Variants in PBX4 observed in about 807,000 individuals in gnomAD.
PBX4 encodes the protein pre-B-cell leukemia transcription factor 4.
Under a neutral mutation model 35.1 loss-of-function variants are expected in PBX4, and 26 were observed. The observed-to-expected ratio is 0.74, with a 90% CI of 0.54 to 1.03. The LOEUF is 1.03. PBX4 is among the 50% of genes least tolerant of loss of function. PBX4 has a pLI of 0.00. For missense variants in PBX4, 448 were observed against 504.3 expected (o/e 0.89, Z 1.07); for synonymous variants, 199 against 204.2 (o/e 0.97, Z 0.22).
At chr19:19,586,828 G>A (rs2061492173) in intron 2 of PBX4, among the ~76,000 whole-genome samples, 2 of 151,862 alleles carry the variant, frequency 1.3e-5, no homozygotes, top group African/African-American at 4.8e-5. Flanking sequence ...CTACTCAGGA[G>A]GCTGAGGCAG....
chr19:19,583,296 C>T (rs1007419309), intron 2 of PBX4, among the ~76,000 whole-genome samples: 8 of 151,016 alleles, frequency 5.3e-5, no homozygotes, highest in Non-Finnish European at 1.0e-4. Flanking sequence ...CAAAACAAAA[C>T]AAAACAAAAC....
At chr19:19,611,694 A>T (rs533073964) in intron 1 of PBX4, among the ~76,000 whole-genome samples, 1 of 151,822 alleles carries the variant, frequency 6.6e-6, no homozygotes, top group Admixed American at 6.6e-5. Flanking sequence ...AAAAAAAAAA[A>T]AAAGAAAGAA....
In PBX4 at chr19:19,562,018, C is replaced by T. The variant is rs753913371; in HGVS notation, c.*7G>A. ...ACGCAGCGCTCTTTCCTGCTTATCC[C>T]CCAAACTTAATTAGATGTACTGGAG... On this transcript the variant is annotated 3_prime_UTR_variant, in exon 8 of 8. Transcript: ENST00000251203. This position sits in a 1 kb window ranked among gnomAD's most constrained non-coding sequence, Gnocchi z 4.8. The T allele has an allele frequency of 1.2e-6, 2 of 1,609,578 alleles. No homozygotes were observed. Among genetic ancestry groups the T allele is most frequent in the East Asian group, 2.2e-5 (1 of 44,590 alleles).
At chr19:19,597,745 T>C (rs749693635) in intron 2 of PBX4, among the ~76,000 whole-genome samples, 2 of 152,196 alleles carry the variant, frequency 1.3e-5, no homozygotes, top group Non-Finnish European at 2.9e-5. Context: ...AGATGACCCT[T>C]GGTTTAAATA....
intron 2 of PBX4, among the ~76,000 whole-genome samples, chr19:19,576,159 G>A (rs952981641): frequency 6.6e-6 from 1 of 152,222 alleles, no homozygotes; most frequent in South Asian, 2.1e-4. Flanking sequence ...GGAGGCTGAG[G>A]TGGTAGGACT....
intron 2 of PBX4, among the ~76,000 whole-genome samples, chr19:19,575,288 A>C (rs2061412465): frequency 8.4e-6 from 1 of 119,280 alleles, no homozygotes; most frequent in South Asian, 2.6e-4. Context: ...TCCCACTGCC[A>C]GCACCCATGA....
Position 19,583,719 on chromosome 19 carries a change from T to C in PBX4, c.194-12886A>G, listed in dbSNP as rs146491797. ...ATCCCAGCACTTTAGGAGGCTGGGG[T>C]TGGGGGGAATCACCTGAGGTCAGGA... On this transcript the variant is annotated intron_variant, in intron 2 of 7. Transcript: ENST00000251203. Among the ~76,000 whole-genome samples, 1,357 of 151,986 alleles carry C rather than the reference T, an allele frequency of 8.9e-3. 23 individuals carry two copies. Among genetic ancestry groups the C allele is most frequent in the African/African-American group, 0.031 (1,302 of 41,456 alleles).
At chr19:19,595,952 G>A (rs149506099) in intron 2 of PBX4, among the ~76,000 whole-genome samples, 2,292 of 152,258 alleles carry the variant, frequency 0.015, 80 homozygotes, top group South Asian at 0.076. Context: ...ATTGGAGTGG[G>A]CCAGGTACAG....
intron 2 of PBX4, among the ~76,000 whole-genome samples, chr19:19,575,236 CAAAA>C (rs34956246): frequency 1.1e-5 from 1 of 93,672 alleles, no homozygotes. Context: ...GACTCTGTCT[CAAAA>C]AAAAAAAAAA....
Position 19,561,819 on chromosome 19 carries a change from G to GTGGGAGAA in PBX4, c.*198_*205dup. On this transcript the variant is annotated 3_prime_UTR_variant, in exon 8 of 8. Coordinates refer to ENST00000251203, the MANE Select transcript of PBX4 (RefSeq NM_025245.3). Reference sequence around the variant, plus strand: ...ATTACTGTCAAAAAAACGAACTGAAGTGGGAGAATGAGTGGCGTTTCAGGC... The same window carrying GTGGGAGAA: ...ATTACTGTCAAAAAAACGAACTGAAGTGGGAGAATGGGAGAATGAGTGGCGTTTCAGGC... 2.1e-6 allele frequency: 1 copy of GTGGGAGAA among 476,474 alleles called. No homozygotes were observed. The allele number at this position is 476,474 out of a possible 1,614,324, so 29.5% of individuals were successfully genotyped here. A position where few individuals can be genotyped will look rare whatever the true frequency, so the allele number is the denominator to read the frequency against.
intron 1 of PBX4, among the ~76,000 whole-genome samples, chr19:19,613,445 CAAAAAAAAAAA>C (rs57256131): frequency 0.07 from 7,976 of 113,564 alleles, 485 homozygotes; most frequent in African/African-American, 0.15. Context: ...GACTCTGTCT[CAAAAAAAAAAA>C]AAAAAAAAAA....
intron 5 of PBX4, among the ~76,000 whole-genome samples, chr19:19,565,407 A>G (rs1009597746): frequency 3.9e-5 from 6 of 152,204 alleles, no homozygotes; most frequent in Non-Finnish European, 8.8e-5. Context: ...CGGGAGGGAC[A>G]GCGCCTCTGG....
At chr19:19,566,088 G>A (rs1248948859) in intron 5 of PBX4, among the ~76,000 whole-genome samples, 1 of 152,062 alleles carries the variant, frequency 6.6e-6, no homozygotes, top group East Asian at 1.9e-4. Context: ...GGACCTGGGA[G>A]GCAGCTGTTA....
intron 2 of PBX4, among the ~76,000 whole-genome samples, chr19:19,580,773 T>C (rs1436469892): frequency 6.6e-6 from 1 of 152,208 alleles, no homozygotes; most frequent in Non-Finnish European, 1.5e-5. Flanking sequence ...CACCAGCTAC[T>C]GGGGAGGTCA....
In PBX4 at chr19:19,618,683, C is replaced by A; in HGVS notation, c.-54G>T. 2 of 1,177,268 alleles carry A rather than the reference C, an allele frequency of 1.7e-6. No individual in the cohort carries two copies. The highest frequency in any genetic ancestry group is 2.1e-6 in the Non-Finnish European group (2 of 952,688). 72.9% of individuals were successfully genotyped at this position (1,177,268 alleles called of 1,614,324 possible). A position where few individuals can be genotyped will look rare whatever the true frequency, so the allele number is the denominator to read the frequency against. ...GGGTGCCGTCGAGCCTGGAGCACTA[C>A]CACTGGCGCCGCAGCCAACCGCCGC... On this transcript the variant is annotated 5_prime_UTR_variant, in exon 1 of 8. Coordinates refer to ENST00000251203, the MANE Select transcript of PBX4 (RefSeq NM_025245.3).
chr19:19,563,543 T>C lies in PBX4; in HGVS notation c.998A>G (p.Gln333Arg). The change falls in exon 7 of 8, where the codon CAG becomes CGG. Residue 333 changes from glutamine (Q) to arginine (R), a missense_variant. Transcript: ENST00000251203. This position sits in a 1 kb window ranked among gnomAD's most constrained non-coding sequence, Gnocchi z 5.1. ...FLTLRTLASLQPPPGGGCLQS... is the reference protein window; with the variant it reads ...FLTLRTLASLRPPPGGGCLQS... ...CAGGCAGCCTCCCCCAGGAGGAGGC[T>C]GGAGAGAGGCCAGAGTCCGCAGGGT... 1 of 1,550,544 alleles carries C rather than the reference T, an allele frequency of 6.4e-7. No individual in the cohort carries two copies. The highest frequency in any genetic ancestry group is 8.7e-7 in the Non-Finnish European group (1 of 1,146,956).
chr19:19,600,535 A>G (rs2144773055), intron 1 of PBX4, among the ~76,000 whole-genome samples: 1 of 151,850 alleles, frequency 6.6e-6, no homozygotes, highest in South Asian at 2.1e-4. Context: ...AAAAAAAAAA[A>G]AGGCCAGAGG....
intron 2 of PBX4, chr19:19,588,195 A>C (rs1055835479): frequency 1.7e-5 from 23 of 1,346,168 alleles, no homozygotes; most frequent in South Asian, 3.6e-5. Flanking sequence ...TGGATGGTGC[A>C]CTCCTTACAA....
At chr19:19,616,008 T>C (rs1212149485) in intron 1 of PBX4, among the ~76,000 whole-genome samples, 1 of 152,174 alleles carries the variant, frequency 6.6e-6, no homozygotes, top group African/African-American at 2.4e-5. Context: ...ACTACAGGGC[T>C]CTAGTGGGTA....
Sources: allele counts gnomAD v4.1 joint callset (sites outside exome capture counted in the v4.1 genomes callset), GRCh38; gene constraint gnomAD v4.1.1; non-coding constraint Gnocchi (gnomAD v3.1); transcripts MANE v1.5; gene names NCBI Gene and HGNC (gene_info 2026-07-23, HGNC 2026-07-21).